Variants in HADHB observed in about 807,000 individuals in gnomAD.
HADHB encodes the protein hydroxyacyl-CoA dehydrogenase trifunctional multienzyme complex subunit beta.
HADHB carries 50 observed loss-of-function variants against 61.9 expected under a neutral mutation model. That is an observed-to-expected ratio of 0.81 (90% CI 0.64 to 1.02). The LOEUF (loss-of-function observed/expected upper bound fraction) is 1.02, where lower values mean the gene tolerates loss of function less well. Ranked by LOEUF, HADHB falls within the 50% of genes least tolerant of loss-of-function variation. The pLI is 0.00. For missense variants in HADHB, 504 were observed against 586.5 expected, an observed-to-expected ratio of 0.86 and a Z score of 1.45; for synonymous variants, 191 against 201.6, an observed-to-expected ratio of 0.95 and a Z score of 0.45.
intron 15 of HADHB, among the ~76,000 whole-genome samples, chr2:26,288,760 A>G (rs531816484): frequency 1.2e-4 from 19 of 152,234 alleles, no homozygotes; most frequent in Admixed American, 3.9e-4. Flanking sequence ...ACTCCAGTGT[A>G]TACTTGATTG....
chr2:26,284,142 C>G lies in HADHB; in HGVS notation c.1087C>G (p.Leu363Val). The G allele has an allele frequency of 6.3e-7, 1 of 1,596,382 alleles. No homozygotes were observed. Among genetic ancestry groups the G allele is most frequent in the Non-Finnish European group, 8.6e-7 (1 of 1,164,106 alleles). Reference protein sequence around the residue: ...LGPTYATPKVLEKAGLTMNDI... With the variant: ...LGPTYATPKVVEKAGLTMNDI... ...ACCAACATATGCTACTCCAAAAGTT[C>G]TAGAAAAGGCAGGATTGACCATGAA... is the stretch of plus-strand genomic sequence containing the variant. Residue 363 changes from leucine to valine, a missense_variant, in exon 13 of 16, where the codon CTA (leucine) becomes GTA (valine). Physicochemically the swap from Leu to Val is conservative, Grantham distance 32. Coordinates refer to ENST00000317799, the MANE Select transcript of HADHB (RefSeq NM_000183.3).
intron 5 of HADHB, among the ~76,000 whole-genome samples, chr2:26,272,181 AC>A: frequency 6.6e-6 from 1 of 152,002 alleles, no homozygotes. Flanking sequence ...TTTATCTGGC[AC>A]TCCTTCAAGT....
intron 1 of HADHB, among the ~76,000 whole-genome samples, chr2:26,251,618 T>C (rs1037195212): frequency 1.3e-5 from 2 of 152,162 alleles, no homozygotes; most frequent in African/African-American, 4.8e-5. Flanking sequence ...CCTTGTGGCA[T>C]TGTAAGTAGC....
chr2:26,263,127 C>T (rs1671926416), intron 3 of HADHB, among the ~76,000 whole-genome samples: 1 of 151,760 alleles, frequency 6.6e-6, no homozygotes, highest in Non-Finnish European at 1.5e-5. Flanking sequence ...TGGTGAAACC[C>T]CATCTCTACA....
At chr2:26,257,654 C>T (rs1033187938) in intron 3 of HADHB, among the ~76,000 whole-genome samples, 1 of 151,892 alleles carries the variant, frequency 6.6e-6, no homozygotes, top group African/African-American at 2.4e-5. Flanking sequence ...CAAAGCAGCC[C>T]TAACTAAGGC....
chr2:26,283,362 A>G (rs559546706), intron 12 of HADHB, among the ~76,000 whole-genome samples: 4 of 152,190 alleles, frequency 2.6e-5, no homozygotes, highest in Non-Finnish European at 5.9e-5. Flanking sequence ...ATCTCTACTA[A>G]AAATACAAAA....
rs1671517972 is a variant in HADHB, at chr2:26,254,186, A to G, written c.-8-61A>G. Reference sequence around the variant, plus strand: ...ATGAGGTTATCAGAGTTCATAGACTACAATGTAAACTACAAATTGTTCAGC... The same window carrying G: ...ATGAGGTTATCAGAGTTCATAGACTGCAATGTAAACTACAAATTGTTCAGC... On this transcript the variant is annotated intron_variant, in intron 1 of 15. Coordinates refer to ENST00000317799, the MANE Select transcript of HADHB (RefSeq NM_000183.3). The G allele has an allele frequency of 4.9e-6, 4 of 822,996 alleles. No homozygotes were observed. In the East Asian group the frequency reaches 7.2e-5, roughly 15 times the overall value. 51.0% of individuals were successfully genotyped at this position (822,996 alleles called of 1,614,324 possible).
chr2:26,274,580 C>T (rs1392116420), intron 6 of HADHB, among the ~76,000 whole-genome samples: 7 of 152,102 alleles, frequency 4.6e-5, no homozygotes, highest in Non-Finnish European at 1.0e-4. Context: ...CTGAAGCCTA[C>T]GAAACTAACT....
intron 1 of HADHB, among the ~76,000 whole-genome samples, chr2:26,252,652 A>G (rs1671447062): frequency 6.6e-6 from 1 of 152,240 alleles, no homozygotes; most frequent in African/African-American, 2.4e-5. Flanking sequence ...ATGGTTCCGA[A>G]TTGGTGCATA....
At chr2:26,270,424 G>A (rs961763848) in intron 5 of HADHB, among the ~76,000 whole-genome samples, 6 of 152,200 alleles carry the variant, frequency 3.9e-5, no homozygotes, top group Non-Finnish European at 8.8e-5. Flanking sequence ...ATGTGTTGCT[G>A]TTTCATAACA....
intron 1 of HADHB, among the ~76,000 whole-genome samples, chr2:26,253,576 G>C (rs906752014): frequency 3.9e-5 from 6 of 152,098 alleles, no homozygotes; most frequent in Non-Finnish European, 7.4e-5. Flanking sequence ...CTCTGGGCCT[G>C]GTGCGGTAGC....
intron 4 of HADHB, among the ~76,000 whole-genome samples, chr2:26,267,819 T>C (rs1212557024): frequency 6.7e-6 from 1 of 149,210 alleles, no homozygotes; most frequent in Non-Finnish European, 1.5e-5. Context: ...AATGAACAAG[T>C]CTTCCTTACA....
At chr2:26,267,451 T>C (rs920711751) in intron 4 of HADHB, among the ~76,000 whole-genome samples, 4 of 152,150 alleles carry the variant, frequency 2.6e-5, no homozygotes, top group Admixed American at 6.5e-5. Flanking sequence ...TGCAATAGTA[T>C]TGGAACATAA....
At chr2:26,273,472 T>C (rs1445883654) in intron 5 of HADHB, among the ~76,000 whole-genome samples, 179 bp from the exon 6 acceptor site, 2 of 151,840 alleles carry the variant, frequency 1.3e-5, no homozygotes, top group East Asian at 1.9e-4. Flanking sequence ...AAAATCACTC[T>C]TTCATTCATT....
chr2:26,276,274 C>T (rs957785852), intron 6 of HADHB, among the ~76,000 whole-genome samples: 5 of 152,176 alleles, frequency 3.3e-5, no homozygotes, highest in African/African-American at 1.2e-4. Context: ...TTTCTTAAAG[C>T]CGCTCAGATG....
intron 5 of HADHB, among the ~76,000 whole-genome samples, chr2:26,272,998 A>C (rs1010906842): frequency 1.3e-5 from 2 of 151,736 alleles, no homozygotes; most frequent in African/African-American, 4.8e-5. Context: ...TGAGAGAACC[A>C]CTTAAACCCA....
intron 15 of HADHB, among the ~76,000 whole-genome samples, chr2:26,288,859 T>G (rs1673149954): frequency 6.6e-6 from 1 of 152,208 alleles, no homozygotes; most frequent in Non-Finnish European, 1.5e-5. Context: ...ACTTTTTTGT[T>G]TTTTAGAGGG....
intron 5 of HADHB, among the ~76,000 whole-genome samples, 159 bp downstream of exon 5, chr2:26,270,156 G>T (rs1308554401): frequency 6.6e-6 from 1 of 152,164 alleles, no homozygotes; most frequent in Non-Finnish European, 1.5e-5. Context: ...AGGCCTAACA[G>T]TGTCTTAGCC....
At chr2:26,248,902 C>G (rs1024814272) in intron 1 of HADHB, among the ~76,000 whole-genome samples, 1 of 151,880 alleles carries the variant, frequency 6.6e-6, no homozygotes, top group Non-Finnish European at 1.5e-5. Flanking sequence ...GCTAAAAATA[C>G]AAAAATTAGA....
Sources: allele counts gnomAD v4.1 joint callset (sites outside exome capture counted in the v4.1 genomes callset), GRCh38; gene constraint gnomAD v4.1.1; transcripts MANE v1.5; gene names NCBI Gene and HGNC (gene_info 2026-07-23, HGNC 2026-07-21).